Variants in USP3 observed in about 807,000 individuals in gnomAD.
USP3 encodes ubiquitin carboxyl-terminal hydrolase 3.
In USP3, 20 loss-of-function variants were observed where a neutral mutation model predicts 72.3. The ratio of observed to expected loss-of-function variants is 0.28; its 90% confidence interval spans 0.19 to 0.40. The LOEUF is 0.40. Among genes scored for constraint, USP3 ranks in the 10% least tolerant of loss-of-function variants. The pLI is 1.00. For missense variants in USP3, 479 were observed against 633.9 expected (o/e 0.76, Z 2.62); for synonymous variants, 222 against 225.3 (o/e 0.99, Z 0.13).
intron 4 of USP3, among the ~76,000 whole-genome samples, chr15:63,556,126 T>C (rs903205643): frequency 1.2e-4 from 19 of 152,254 alleles, no homozygotes; most frequent in African/African-American, 4.6e-4. Flanking sequence ...TGTTTTAGAA[T>C]GTCCTTTGGA....
In USP3 at chr15:63,553,523, C is replaced by T. The variant is rs1425680272; in HGVS notation, c.285-192C>T. On this transcript the variant is annotated intron_variant, in intron 3 of 14. Transcript: ENST00000380324. The surrounding 1 kb of genome is among the most constrained non-coding windows in gnomAD (Gnocchi z 4.2). ...CGTGAAAAGAAGCTCATGTTCATTG[C>T]CTACGTGGCTTTTAAAAAAGACTCT... 6 of 422,890 alleles carry T rather than the reference C, an allele frequency of 1.4e-5. No homozygotes were observed. The Admixed American group carries it at 2.6e-4, about 18-fold the overall frequency. The allele number at this position is 422,890 out of a possible 1,614,324, so 26.2% of individuals were successfully genotyped here.
chr15:63,537,466 A>G (rs762579859), intron 3 of USP3, among the ~76,000 whole-genome samples: 2 of 152,178 alleles, frequency 1.3e-5, no homozygotes, highest in Non-Finnish European at 2.9e-5. Flanking sequence ...TTTTAAATTG[A>G]AGAACAATGT....
At chr15:63,590,568 T>G in intron 14 of USP3, 93 bp from the exon 15 acceptor site, 1 of 1,216,082 alleles carries the variant, frequency 8.2e-7, no homozygotes, top group Non-Finnish European at 1.1e-6. Context: ...TAGGATGTAT[T>G]CTTATTAAAA....
Position 63,544,653 on chromosome 15 carries a change from A to G in USP3, c.284+7497A>G. On this transcript the variant is annotated intron_variant, in intron 3 of 14. Transcript: ENST00000380324. The surrounding 1 kb of genome is among the most constrained non-coding windows in gnomAD (Gnocchi z 4.2). The stretch of plus-strand genomic sequence containing the variant: ...TTTGGAGAATGGGGGAAGAATGTAA[A>G]GATGGAGATGACCGAATGAGGAATA... The G allele has an allele frequency of 1.4e-6, 1 of 699,994 alleles. No individual in the cohort carries two copies. The highest frequency in any genetic ancestry group is 2.7e-5 in the East Asian group (1 of 37,156). 43.4% of individuals were successfully genotyped at this position (699,994 alleles called of 1,614,324 possible). A position where few individuals can be genotyped will look rare whatever the true frequency, so the allele number is the denominator to read the frequency against.
chr15:63,577,541 G>A (rs184983047), intron 11 of USP3, among the ~76,000 whole-genome samples: 9 of 152,236 alleles, frequency 5.9e-5, no homozygotes, highest in Non-Finnish European at 8.8e-5. Flanking sequence ...CGGATCATGA[G>A]GTCAGATCGA....
rs2067116000 is a variant in USP3 at position 63,588,271 on chromosome 15, C to T, written c.1097-34C>T. On this transcript the variant is annotated intron_variant, in intron 11 of 14. Coordinates refer to ENST00000380324, the MANE Select transcript of USP3 (RefSeq NM_006537.4). The surrounding 1 kb of genome is among the most constrained non-coding windows in gnomAD (Gnocchi z 4.6). ...AGTACATTGCCTCTACAAAAGGCAT[C>T]TTGTTTTAATGCTGCCAAAATCAAT... 6.5e-7 allele frequency: 1 copy of T among 1,533,096 alleles called. No individual in the cohort carries two copies. The highest frequency in any genetic ancestry group is 1.2e-5 in the South Asian group (1 of 82,032). The allele number at this position is 1,533,096 out of a possible 1,614,324, so 95.0% of individuals were successfully genotyped here.
rs1199926370 is a variant in USP3, at chr15:63,530,282, C to CTT, written c.92-2365_92-2364insTT. Among the ~76,000 whole-genome samples, 356 of 149,288 alleles carry CTT rather than the reference C, an allele frequency of 2.4e-3. 2 individuals are homozygous for CTT. The highest frequency in any genetic ancestry group is 8.4e-3 in the African/African-American group (339 of 40,528). ...CCCTCCCTCCCTGCCTCCCTCCCTC[C>CTT]CTCCTTCCCTCCCTTCCTTCCTTCC... On this transcript the variant is annotated intron_variant, in intron 1 of 14. Coordinates refer to ENST00000380324, the MANE Select transcript of USP3 (RefSeq NM_006537.4).
rs925354135 is a variant in USP3 at position 63,593,525 on chromosome 15, G to A, written c.*2699G>A. On this transcript the variant is annotated 3_prime_UTR_variant, in exon 15 of 15. Transcript: ENST00000380324. ...CAGCAACACGTTGGACTACTTTGTC[G>A]GGCAGAGTGGTCTTCAGACAGGTGA... 2.0e-5 allele frequency: 3 copies of A among 152,176 alleles called. No individual in the cohort carries two copies. The highest frequency in any genetic ancestry group is 1.9e-4 in the East Asian group (1 of 5,200). The allele number at this position is 152,176 out of a possible 1,614,324, so 9.4% of individuals were successfully genotyped here.
chr15:63,541,274 A>G (rs554890003), intron 3 of USP3, among the ~76,000 whole-genome samples: 1 of 152,314 alleles, frequency 6.6e-6, no homozygotes, highest in African/African-American at 2.4e-5. Context: ...TTCAGATTTT[A>G]AACACTTGTA....
chr15:63,510,689 G>GGT (rs1182338056), intron 1 of USP3, among the ~76,000 whole-genome samples: 27 of 152,168 alleles, frequency 1.8e-4, no homozygotes, highest in South Asian at 6.2e-4. Context: ...CTTTTTGGAG[G>GGT]GTGTGTTTGT....
At chr15:63,508,149 A>G (rs187212454) in intron 1 of USP3, among the ~76,000 whole-genome samples, 131 of 152,318 alleles carry the variant, frequency 8.6e-4, no homozygotes, top group Admixed American at 4.6e-3. Context: ...TTATGTATGA[A>G]AATTGTTTTG....
intron 14 of USP3, 141 bp downstream of exon 14, chr15:63,589,152 G>C: frequency 1.2e-6 from 1 of 866,520 alleles, no homozygotes; most frequent in Non-Finnish European, 1.9e-6. Flanking sequence ...GTTTTGGTGC[G>C]GAAGAGTACT....
chr15:63,535,456 C>A (rs955042467), intron 2 of USP3, among the ~76,000 whole-genome samples: 1 of 152,174 alleles, frequency 6.6e-6, no homozygotes, highest in African/African-American at 2.4e-5. Flanking sequence ...ACTATTACGT[C>A]CATTTTACAA....
At chr15:63,579,998 G>A (rs1188115335) in intron 11 of USP3, among the ~76,000 whole-genome samples, 2 of 152,046 alleles carry the variant, frequency 1.3e-5, no homozygotes, top group Non-Finnish European at 2.9e-5. Flanking sequence ...CATTTCCTTA[G>A]ACATACTAAT....
intron 1 of USP3, among the ~76,000 whole-genome samples, chr15:63,516,199 G>A (rs1405138736): frequency 6.6e-6 from 1 of 152,114 alleles, no homozygotes; most frequent in Non-Finnish European, 1.5e-5. Flanking sequence ...CTTTAAACCT[G>A]TCAAAGGTCT....
chr15:63,567,779 C>G (rs2066714657), intron 8 of USP3, among the ~76,000 whole-genome samples: 1 of 152,194 alleles, frequency 6.6e-6, no homozygotes, highest in African/African-American at 2.4e-5. Context: ...CCACACCCGG[C>G]TTGATCATTT....
chr15:63,560,972 A>C (rs990270123), intron 7 of USP3, among the ~76,000 whole-genome samples: 1 of 152,196 alleles, frequency 6.6e-6, no homozygotes, highest in Non-Finnish European at 1.5e-5. Context: ...GAGGGAGAGT[A>C]GGACTGAACA....
intron 11 of USP3, among the ~76,000 whole-genome samples, chr15:63,580,660 A>AATATAATATATATAT (rs2066939967): frequency 1.8e-5 from 2 of 113,044 alleles, no homozygotes; most frequent in Admixed American, 9.0e-5. Context: ...ATGAATATAT[A>AATATAATATATATAT]ATATATATAT....
intron 1 of USP3, 178 bp from the exon 2 acceptor site, chr15:63,532,469 C>A (rs2066090867): frequency 5.9e-6 from 4 of 672,778 alleles, no homozygotes; most frequent in Non-Finnish European, 1.0e-5. Flanking sequence ...CATTTAAATT[C>A]TTTTCAGTAT....
Sources: allele counts gnomAD v4.1 joint callset (sites outside exome capture counted in the v4.1 genomes callset), GRCh38; gene constraint gnomAD v4.1.1; non-coding constraint Gnocchi (gnomAD v3.1); transcripts MANE v1.5; gene names NCBI Gene and HGNC (gene_info 2026-07-23, HGNC 2026-07-21).